Variants in NTM observed in about 807,000 individuals in gnomAD.
The protein encoded by NTM is IgLON family member 2.
In NTM, 13 loss-of-function variants were observed where a neutral mutation model predicts 42.1. That is an observed-to-expected ratio of 0.31 (90% CI 0.20 to 0.49). The LOEUF is 0.49. Ranked by LOEUF, NTM falls within the 20% of genes least tolerant of loss-of-function variation. The pLI is 0.99. For synonymous variants in NTM, 187 were observed against 179.2 expected, an observed-to-expected ratio of 1.04 and a Z score of -0.35; for missense variants, 373 against 452.8, an observed-to-expected ratio of 0.82 and a Z score of 1.60.
intron 1 of NTM, chr11:131,767,191 A>G: frequency 1.2e-6 from 1 of 814,614 alleles, no homozygotes; most frequent in Non-Finnish European, 1.5e-6. Flanking sequence ...ACTTAACCAA[A>G]TATGGTTTCT....
At chr11:132,328,330 G>A (rs1186433675) in intron 7 of NTM, among the ~76,000 whole-genome samples, 1 of 152,130 alleles carries the variant, frequency 6.6e-6, no homozygotes, top group Non-Finnish European at 1.5e-5. Context: ...AAAGCCCAAG[G>A]ATGAGTTCTA....
intron 1 of NTM, among the ~76,000 whole-genome samples, chr11:131,815,029 A>G (rs1352800729): frequency 1.3e-5 from 2 of 152,046 alleles, no homozygotes; most frequent in Non-Finnish European, 2.9e-5. Context: ...TTTTCTATTG[A>G]GCAATCCGAG....
At chr11:131,846,020 C>A (rs965956855) in intron 1 of NTM, among the ~76,000 whole-genome samples, 1 of 152,108 alleles carries the variant, frequency 6.6e-6, no homozygotes, top group African/African-American at 2.4e-5. Flanking sequence ...CCTATAAATT[C>A]TTCTGTGTCT....
At chr11:131,401,799 AATATATAT>A (rs61167647) in intron 1 of NTM, among the ~76,000 whole-genome samples, 453 of 34,902 alleles carry the variant, frequency 0.013, 22 homozygotes, top group Middle Eastern at 0.043. Context: ...GGCCACTGGA[AATATATAT>A]ATATATATAT....
intron 1 of NTM, among the ~76,000 whole-genome samples, chr11:131,572,353 TG>T (rs1163350411): frequency 1.3e-5 from 2 of 152,126 alleles, no homozygotes; most frequent in African/African-American, 4.8e-5. Flanking sequence ...TTAAGATATT[TG>T]CCCCCTAAGG....
At chr11:132,330,129 T>C in intron 7 of NTM, 24 bp from the exon 8 acceptor site, 2 of 1,551,632 alleles carry the variant, frequency 1.3e-6, no homozygotes. Flanking sequence ...ACCTTAACAG[T>C]GGCTTGTTTT....
intron 1 of NTM, among the ~76,000 whole-genome samples, chr11:131,492,837 C>G (rs1208638737): frequency 6.6e-6 from 1 of 152,154 alleles, no homozygotes; most frequent in Admixed American, 6.5e-5. Context: ...TGTGAACAAA[C>G]TGAATACATA....
At chr11:131,562,539 G>A (rs1413548219) in intron 1 of NTM, among the ~76,000 whole-genome samples, 5 of 152,042 alleles carry the variant, frequency 3.3e-5, no homozygotes, top group African/African-American at 1.2e-4. Flanking sequence ...AATTCCCAAG[G>A]AGGCCCGGCA....
At chr11:131,861,744 AAAAAG>A (rs566112359) in intron 1 of NTM, among the ~76,000 whole-genome samples, 2 of 152,142 alleles carry the variant, frequency 1.3e-5, no homozygotes, top group East Asian at 1.9e-4. Flanking sequence ...AAAAAGAAAA[AAAAAG>A]AGAGAGAGAA....
At chr11:131,622,949 G>A (rs2062730338) in intron 1 of NTM, among the ~76,000 whole-genome samples, 1 of 152,116 alleles carries the variant, frequency 6.6e-6, no homozygotes, top group South Asian at 2.1e-4. Context: ...ACTTCAAATT[G>A]GCGTTCTCCT....
intron 2 of NTM, among the ~76,000 whole-genome samples, chr11:132,130,487 GTTC>G (rs1229882305): frequency 6.6e-6 from 1 of 152,086 alleles, no homozygotes; most frequent in Non-Finnish European, 1.5e-5. Context: ...ATACTATCTG[GTTC>G]TTCTGCGTTC....
At chr11:132,317,240 C>T (rs1437470224) in intron 7 of NTM, among the ~76,000 whole-genome samples, 4 of 152,160 alleles carry the variant, frequency 2.6e-5, no homozygotes, top group East Asian at 1.9e-4. Flanking sequence ...TCGTTCCTAC[C>T]GTGGTGCCAG....
At chr11:132,263,013 G>A (rs890447843) in intron 4 of NTM, among the ~76,000 whole-genome samples, 24 of 152,298 alleles carry the variant, frequency 1.6e-4, no homozygotes, top group African/African-American at 5.1e-4. Flanking sequence ...AAGGGGCAAC[G>A]GTTCCCAGGC....
chr11:132,049,407 A>G (rs763302469), intron 2 of NTM, among the ~76,000 whole-genome samples: 3 of 152,164 alleles, frequency 2.0e-5, no homozygotes, highest in African/African-American at 7.2e-5. Context: ...CCTTTCATCC[A>G]TGCCAGTCTC....
At chr11:132,332,957 C>T (rs538839086) in intron 8 of NTM, among the ~76,000 whole-genome samples, 8 of 152,076 alleles carry the variant, frequency 5.3e-5, no homozygotes, top group African/African-American at 1.4e-4. Flanking sequence ...GAGCGGGAGA[C>T]GGGAGGTGGG....
chr11:132,210,198 G>A lies in NTM; in HGVS notation c.401-1824G>A, dbSNP rs368846892. Among the ~76,000 whole-genome samples the A allele has an allele frequency of 1.3e-4, 20 of 152,304 alleles. 1 individual carries two copies. The highest frequency in any genetic ancestry group is 4.6e-4 in the African/African-American group (19 of 41,582). On this transcript the variant is annotated intron_variant, in intron 3 of 8. Transcript: ENST00000683400. ...GTGTGCTTTAGAATTGCACAGCATG[G>A]TGGCTCTGAGGAATAGTTATTCAAG...
chr11:131,437,209 T>C (rs1949208098), intron 1 of NTM, among the ~76,000 whole-genome samples: 1 of 152,216 alleles, frequency 6.6e-6, no homozygotes, highest in Admixed American at 6.5e-5. Context: ...TTCAACTATG[T>C]GGTCAATTTT....
chr11:131,401,799 AATATATATATATATATATATATATATAT>A (rs61167647), intron 1 of NTM, among the ~76,000 whole-genome samples: 3,515 of 35,012 alleles, frequency 0.1, 298 homozygotes, highest in Admixed American at 0.15. Context: ...GGCCACTGGA[AATATATATATATATATATATATATATAT>A]ATATATATAT....
chr11:131,641,235 T>C (rs1021952772), intron 1 of NTM, among the ~76,000 whole-genome samples: 2 of 152,212 alleles, frequency 1.3e-5, no homozygotes, highest in African/African-American at 2.4e-5. Context: ...TGACTTTGAA[T>C]GGGAAGTCGG....
Sources: gnomAD v4.1 joint callset for allele counts (sites outside exome capture counted in the v4.1 genomes callset) on GRCh38, gnomAD v4.1.1 for gene constraint, MANE v1.5 for transcripts, NCBI Gene and HGNC (gene_info 2026-07-23, HGNC 2026-07-21) for gene names.